The following ROCK1 variants were observed in gnomAD, a reference collection of about 807,000 sequenced individuals.
The protein encoded by ROCK1 is Rho associated coiled-coil containing protein kinase 1.
In ROCK1, 36 loss-of-function variants were observed where a neutral mutation model predicts 196.8. The ratio of observed to expected loss-of-function variants is 0.18; its 90% confidence interval spans 0.14 to 0.24. ROCK1 has a LOEUF of 0.24. ROCK1 is among the 10% of genes least tolerant of loss of function. The pLI, the probability that ROCK1 is intolerant of heterozygous loss-of-function variation, is 1.00. For missense variants in ROCK1, 920 were observed against 1,562.0 expected, an observed-to-expected ratio of 0.59 and a Z score of 6.93; for synonymous variants, 443 against 515.9, an observed-to-expected ratio of 0.86 and a Z score of 1.91.
At chr18:21,083,293 C>T (rs938545563) in intron 1 of ROCK1, among the ~76,000 whole-genome samples, 4 of 152,014 alleles carry the variant, frequency 2.6e-5, no homozygotes, top group African/African-American at 9.7e-5. Flanking sequence ...CTATCAAAAT[C>T]CCAATGGTGT....
At chr18:21,060,839 CAA>C (rs930819259) in intron 2 of ROCK1, among the ~76,000 whole-genome samples, 18 of 44,780 alleles carry the variant, frequency 4.0e-4, no homozygotes, top group African/African-American at 7.9e-4. Flanking sequence ...AACTCCATCT[CAA>C]AAAAAAAAAA....
chr18:20,966,191 T>C (rs1006146781), intron 27 of ROCK1, among the ~76,000 whole-genome samples: 1 of 152,196 alleles, frequency 6.6e-6, no homozygotes, highest in African/African-American at 2.4e-5. Flanking sequence ...AACCTACTCA[T>C]TTTATTTCTA....
chr18:20,981,691 T>C (rs2035535023), intron 21 of ROCK1, among the ~76,000 whole-genome samples: 1 of 152,152 alleles, frequency 6.6e-6, no homozygotes, highest in Non-Finnish European at 1.5e-5. Context: ...TTAACACTTA[T>C]TTATTACACT....
chr18:21,070,663 TCTC>T lies in ROCK1; in HGVS notation c.94-53_94-51del, dbSNP rs755536109. 4 of 1,168,942 alleles carry T rather than the reference TCTC, an allele frequency of 3.4e-6. No homozygotes were observed. The South Asian group carries it at 6.1e-5, about 18-fold the overall frequency. 72.4% of individuals were successfully genotyped at this position (1,168,942 alleles called of 1,614,324 possible). ...TAGTTTTTTGGATCACATTATACAGTCTCCTTTTTTATGAAAGAATAAAATATA... is the reference window on the plus strand; with the variant it reads ...TAGTTTTTTGGATCACATTATACAGTCTTTTTTATGAAAGAATAAAATATA... On this transcript the variant is annotated intron_variant, in intron 1 of 32. Coordinates refer to ENST00000399799, the MANE Select transcript of ROCK1 (RefSeq NM_005406.3).
intron 1 of ROCK1, among the ~76,000 whole-genome samples, chr18:21,089,590 G>C (rs1314261336): frequency 6.6e-6 from 1 of 152,158 alleles, no homozygotes; most frequent in Non-Finnish European, 1.5e-5. Context: ...CCACTTGTAA[G>C]TTGAAAATAT....
At chr18:21,060,867 A>G (rs2036283648) in intron 2 of ROCK1, among the ~76,000 whole-genome samples, 1 of 151,510 alleles carries the variant, frequency 6.6e-6, no homozygotes, top group Non-Finnish European at 1.5e-5. Context: ...AAAAACCTAA[A>G]TTCATGCAAA....
chr18:21,001,982 C>T (rs542072515), intron 16 of ROCK1, among the ~76,000 whole-genome samples: 1 of 152,044 alleles, frequency 6.6e-6, no homozygotes, highest in Admixed American at 6.5e-5. Context: ...GCCCATGTAA[C>T]AGTGAAATGC....
At chr18:20,952,184 A>T (rs2035195118) in intron 32 of ROCK1, among the ~76,000 whole-genome samples, 1 of 152,064 alleles carries the variant, frequency 6.6e-6, no homozygotes, top group African/African-American at 2.4e-5. Context: ...GGAGTTCAAG[A>T]CCAGCCTGGC....
In ROCK1 at chr18:20,992,934, C is replaced by T. The variant is rs1163117060; in HGVS notation, c.1889G>A (p.Arg630Gln). Reference sequence around the variant, plus strand: ...CACCTCCTCTTGTAAAGATGTAATTCGAGCTATCAAGTGAGAAAAAAGTTC... The same window carrying T: ...CACCTCCTCTTGTAAAGATGTAATTTGAGCTATCAAGTGAGAAAAAAGTTC... ...DSEMIGDLQARITSLQEEVKH... is the reference protein window; with the variant it reads ...DSEMIGDLQAQITSLQEEVKH... The change falls in exon 17 of 33, where the codon CGA (arginine) becomes CAA (glutamine). Residue 630 changes from arginine to glutamine, a missense_variant. Arg to Gln is a conservative substitution (Grantham distance 43). Around this residue, in one of 6 missense-constraint regions of ROCK1, gnomAD observed 520 missense variants for 657.1 expected, o/e 0.79. Transcript: ENST00000399799. The T allele has an allele frequency of 6.2e-7, 1 of 1,602,894 alleles. No homozygotes were observed. The highest frequency in any genetic ancestry group is 8.5e-7 in the Non-Finnish European group (1 of 1,171,128).
intron 10 of ROCK1, 60 bp from the exon 11 acceptor site, chr18:21,023,740 C>T: frequency 1.1e-6 from 1 of 900,474 alleles, no homozygotes. Flanking sequence ...TATCCCATGA[C>T]AACCAATAAT....
intron 22 of ROCK1, among the ~76,000 whole-genome samples, chr18:20,972,496 T>C (rs1336830082): frequency 2.6e-5 from 4 of 152,148 alleles, no homozygotes; most frequent in South Asian, 2.1e-4. Context: ...TGAGAACAAG[T>C]AGGGAGTAAT....
At chr18:20,954,602 TA>T (rs1432967535) in intron 31 of ROCK1, among the ~76,000 whole-genome samples, 180 bp downstream of exon 31, 1 of 152,290 alleles carries the variant, frequency 6.6e-6, no homozygotes, top group Non-Finnish European at 1.5e-5. Context: ...TCAATAAAAA[TA>T]AATAAAAACA....
At chr18:21,045,182 A>G (rs774866648) in intron 5 of ROCK1, 110 bp downstream of exon 5, 2 of 1,000,278 alleles carry the variant, frequency 2.0e-6, no homozygotes, top group Non-Finnish European at 2.8e-6. Flanking sequence ...CTGAAAGGTC[A>G]CTTATGTCAT....
chr18:21,000,808 C>T (rs1182717313), intron 16 of ROCK1, among the ~76,000 whole-genome samples: 1 of 152,158 alleles, frequency 6.6e-6, no homozygotes, highest in East Asian at 1.9e-4. Context: ...ACATTGCTGA[C>T]AGGAATGTAA....
intron 2 of ROCK1, among the ~76,000 whole-genome samples, chr18:21,060,882 T>C (rs2036283953): frequency 6.6e-6 from 1 of 150,488 alleles, no homozygotes; most frequent in Non-Finnish European, 1.5e-5. Flanking sequence ...TGCAAAAACT[T>C]GTACACGAAT....
chr18:21,012,548 T>C (rs896218515), intron 13 of ROCK1, among the ~76,000 whole-genome samples: 3 of 152,192 alleles, frequency 2.0e-5, no homozygotes, highest in African/African-American at 7.2e-5. Context: ...AGGTGTGTCC[T>C]GTATTTAAGA....
chr18:21,108,378 T>C (rs1447033984), intron 1 of ROCK1, among the ~76,000 whole-genome samples: 1 of 152,248 alleles, frequency 6.6e-6, no homozygotes, highest in African/African-American at 2.4e-5. Context: ...TTTACCATTA[T>C]ATCAACTTGC....
At chr18:21,078,784 TA>T (rs1015674351) in intron 1 of ROCK1, among the ~76,000 whole-genome samples, 21 of 152,204 alleles carry the variant, frequency 1.4e-4, no homozygotes, top group African/African-American at 4.6e-4. Context: ...ATGCTGCTAC[TA>T]GAGCCTCTGT....
At chr18:21,081,940 AT>A (rs2036486047) in intron 1 of ROCK1, among the ~76,000 whole-genome samples, 1 of 152,066 alleles carries the variant, frequency 6.6e-6, no homozygotes, top group Non-Finnish European at 1.5e-5. Context: ...ACATTTATGT[AT>A]TTTTATTTGT....
Sources: gnomAD v4.1 joint callset for allele counts (sites outside exome capture counted in the v4.1 genomes callset) on GRCh38, gnomAD v4.1.1 for gene constraint, gnomAD v4.1.1 regional missense constraint, MANE v1.5 for transcripts, NCBI Gene and HGNC (gene_info 2026-07-23, HGNC 2026-07-21) for gene names.